The following TSC1 variants were observed in gnomAD, a reference collection of about 807,000 sequenced individuals.
The protein encoded by TSC1 is hamartin.
Under a neutral mutation model 124.3 loss-of-function variants are expected in TSC1, and 20 were observed. That is an observed-to-expected ratio of 0.16 (90% CI 0.11 to 0.23). The LOEUF (loss-of-function observed/expected upper bound fraction) is 0.23. TSC1 is among the 10% of genes least tolerant of loss of function. The pLI, the probability that TSC1 is intolerant of heterozygous loss-of-function variation, is 1.00. For missense variants in TSC1, 1,124 were observed against 1,448.5 expected (o/e 0.78, Z 3.64); for synonymous variants, 493 against 539.1 (o/e 0.91, Z 1.19).
At position 132,906,221 on chromosome 9, in the gene TSC1, C is replaced by T; in HGVS notation, c.1439-82G>A. On this transcript the variant is annotated intron_variant, in intron 14 of 22. Transcript: ENST00000298552. The surrounding 1 kb of genome is among the most constrained non-coding windows in gnomAD (Gnocchi z 4.1). ...CTAGGCAGTTTGGGTGGCATGCTGC[C>T]ACATGCCAGTGTCACTCAGAGAGAG... The T allele has an allele frequency of 6.9e-7, 1 of 1,443,412 alleles. No homozygotes were observed. The highest frequency in any genetic ancestry group is 9.5e-7 in the Non-Finnish European group (1 of 1,047,840). The allele number at this position is 1,443,412 out of a possible 1,614,324, so 89.4% of individuals were successfully genotyped here.
In TSC1 at chr9:132,903,910, A is replaced by G; in HGVS notation, c.2042-93T>C. 1 of 1,470,542 alleles carries G rather than the reference A, an allele frequency of 6.8e-7. No individual in the cohort carries two copies. Among genetic ancestry groups the G allele is most frequent in the Non-Finnish European group, 9.4e-7 (1 of 1,064,094 alleles). The allele number at this position is 1,470,542 out of a possible 1,614,324, so 91.1% of individuals were successfully genotyped here. On this transcript the variant is annotated intron_variant, in intron 16 of 22. Transcript: ENST00000298552. The surrounding 1 kb of genome is among the most constrained non-coding windows in gnomAD (Gnocchi z 5.9). ...CATGTGTTGTTAGCTTAACAAACAC[A>G]ATTCTTTAAAAACAAATCACCACTC...
chr9:132,911,587 A>G lies in TSC1; in HGVS notation c.914-19T>C. The stretch of plus-strand genomic sequence containing the variant: ...GCACACCCTAAAATGGAAGAGAAGA[A>G]CACAGGGGGTTAGTGTGTGGTTTTA... On this transcript the variant is annotated intron_variant, in intron 9 of 22. Coordinates refer to ENST00000298552, the MANE Select transcript of TSC1 (RefSeq NM_000368.5). The G allele has an allele frequency of 7.8e-7, 1 of 1,277,504 alleles. No homozygotes were observed. Among genetic ancestry groups the G allele is most frequent in the Non-Finnish European group, 1.1e-6 (1 of 878,652 alleles). The allele number at this position is 1,277,504 out of a possible 1,614,324, so 79.1% of individuals were successfully genotyped here. A position where few individuals can be genotyped will look rare whatever the true frequency, so the allele number is the denominator to read the frequency against.
At position 132,903,424 on chromosome 9, in the gene TSC1, G is replaced by A. The variant is rs1845482935; in HGVS notation, c.2208+227C>T. Among the ~76,000 whole-genome samples the A allele has an allele frequency of 6.6e-6, 1 of 152,212 alleles. No homozygotes were observed. Among genetic ancestry groups the A allele is most frequent in the Non-Finnish European group, 1.5e-5 (1 of 68,038 alleles). ...TTCTGACCCTTCATCATCATGGCCA[G>A]TTACATGCAAACATACACACACAAA... On this transcript the variant is annotated intron_variant, in intron 17 of 22. Coordinates refer to ENST00000298552, the MANE Select transcript of TSC1 (RefSeq NM_000368.5). This position sits in a 1 kb window ranked among gnomAD's most constrained non-coding sequence, Gnocchi z 5.9.
intron 2 of TSC1, among the ~76,000 whole-genome samples, chr9:132,930,987 C>T (rs1397067974): frequency 6.6e-6 from 1 of 152,178 alleles, no homozygotes; most frequent in Non-Finnish European, 1.5e-5. Flanking sequence ...ACACTCGCTG[C>T]ATAGTACCTG....
At position 132,903,329 on chromosome 9, in the gene TSC1, C is replaced by G. The variant is rs1845479498; in HGVS notation, c.2208+322G>C. Reference sequence around the variant, plus strand: ...CTGGCTTCACACCCGCTGTACAATACACGCTTCAGTTTTGTGCCATGAAAT... The same window carrying G: ...CTGGCTTCACACCCGCTGTACAATAGACGCTTCAGTTTTGTGCCATGAAAT... On this transcript the variant is annotated intron_variant, in intron 17 of 22. Transcript: ENST00000298552. This position sits in a 1 kb window ranked among gnomAD's most constrained non-coding sequence, Gnocchi z 5.9. Among the ~76,000 whole-genome samples the G allele has an allele frequency of 6.6e-6, 1 of 152,252 alleles. No individual in the cohort carries two copies. The highest frequency in any genetic ancestry group is 6.5e-5 in the Admixed American group (1 of 15,288).
At chr9:132,935,984 G>A (rs1016724428) in intron 1 of TSC1, among the ~76,000 whole-genome samples, 1 of 152,150 alleles carries the variant, frequency 6.6e-6, no homozygotes, top group African/African-American at 2.4e-5. Flanking sequence ...ATTGATTACT[G>A]AACATGCCTC....
intron 8 of TSC1, among the ~76,000 whole-genome samples, chr9:132,916,535 G>T (rs1846279829): frequency 6.6e-6 from 1 of 152,072 alleles, no homozygotes. Context: ...TTTCAAAATT[G>T]ATTTCAACAT....
chr9:132,940,781 A>G (rs1847695492), intron 1 of TSC1: 1 of 152,222 alleles, frequency 6.6e-6, no homozygotes, highest in African/African-American at 2.4e-5. Flanking sequence ...CTACTTCACA[A>G]AAATGGATTG....
intron 12 of TSC1, chr9:132,910,301 CAA>C (rs10712193): frequency 0.12 from 51,255 of 443,640 alleles, no homozygotes; most frequent in South Asian, 0.14. Context: ...ACCCTGTCTC[CAA>C]AAAAAAAAAA....
Position 132,902,537 on chromosome 9 carries a change from G to A in TSC1, c.2391+68C>T. 1.3e-6 allele frequency: 2 copies of A among 1,588,070 alleles called. No individual in the cohort carries two copies. Among genetic ancestry groups the A allele is most frequent in the Admixed American group, 1.7e-5 (1 of 59,982 alleles). On this transcript the variant is annotated intron_variant, in intron 18 of 22. Coordinates refer to ENST00000298552, the MANE Select transcript of TSC1 (RefSeq NM_000368.5). The surrounding 1 kb of genome is among the most constrained non-coding windows in gnomAD (Gnocchi z 5.2). ...CAAGTCAAGGACACCCAGGGAAACT[G>A]ACTGCCTCCCTCCCCACTGCTCTCC...
At position 132,905,962 on chromosome 9, in the gene TSC1, G is replaced by A. The variant is rs1845642639; in HGVS notation, c.1616C>T (p.Ser539Phe). 1 of 1,614,118 alleles carries A rather than the reference G, an allele frequency of 6.2e-7. No individual in the cohort carries two copies. Among genetic ancestry groups the A allele is most frequent in the African/African-American group, 1.3e-5 (1 of 75,046 alleles). Residue 539 changes from serine to phenylalanine, a missense_variant, in exon 15 of 23, where the codon TCC becomes TTC. Physicochemically the swap from Ser to Phe is radical, Grantham distance 155. Coordinates refer to ENST00000298552, the MANE Select transcript of TSC1 (RefSeq NM_000368.5). Reference protein sequence around the residue: ...ASVNPEPLHSSLDKLGPDTPK... With the variant: ...ASVNPEPLHSFLDKLGPDTPK... ...TGTGTCAGGCCCAAGCTTGTCCAGG[G>A]AGGAGTGTAAAGGCTCAGGGTTCAC... is the stretch of plus-strand genomic sequence containing the variant.
chr9:132,903,909 C>G lies in TSC1; in HGVS notation c.2042-92G>C. The G allele has an allele frequency of 6.7e-7, 1 of 1,484,282 alleles. No homozygotes were observed. The highest frequency in any genetic ancestry group is 1.2e-5 in the South Asian group (1 of 86,310). 91.9% of individuals were successfully genotyped at this position (1,484,282 alleles called of 1,614,324 possible). A position where few individuals can be genotyped will look rare whatever the true frequency, so the allele number is the denominator to read the frequency against. ...CCATGTGTTGTTAGCTTAACAAACA[C>G]AATTCTTTAAAAACAAATCACCACT... On this transcript the variant is annotated intron_variant, in intron 16 of 22. Coordinates refer to ENST00000298552, the MANE Select transcript of TSC1 (RefSeq NM_000368.5). The surrounding 1 kb of genome is among the most constrained non-coding windows in gnomAD (Gnocchi z 5.9).
chr9:132,912,518 GA>G, intron 8 of TSC1, 61 bp from the exon 9 acceptor site: 1 of 1,598,978 alleles, frequency 6.3e-7, no homozygotes, highest in East Asian at 2.2e-5. Flanking sequence ...AAATACTTCA[GA>G]GTGTCAACTC....
intron 1 of TSC1, among the ~76,000 whole-genome samples, chr9:132,938,669 G>A (rs1422129900): frequency 6.6e-6 from 1 of 152,128 alleles, no homozygotes; most frequent in Non-Finnish European, 1.5e-5. Context: ...TCATTAGCAG[G>A]ACCCGTACGC....
chr9:132,932,214 G>A (rs532571261), intron 2 of TSC1, among the ~76,000 whole-genome samples: 1 of 152,282 alleles, frequency 6.6e-6, no homozygotes, highest in Non-Finnish European at 1.5e-5. Flanking sequence ...GTCATATTCA[G>A]AGGGCATGAC....
At chr9:132,941,784 C>T (rs1036152463) in intron 1 of TSC1, 3 of 152,170 alleles carry the variant, frequency 2.0e-5, no homozygotes, top group African/African-American at 7.2e-5. Context: ...TTTTATAAAA[C>T]CATTAACAGG....
Position 132,902,693 on chromosome 9 carries a change from C to T in TSC1, c.2303G>A (p.Arg768His), listed in dbSNP as rs1033725987. The change falls in exon 18 of 23, where the codon CGT (arginine) becomes CAT (histidine). Residue 768 changes from arginine (R) to histidine (H), a missense_variant. Physicochemically the swap from Arg to His is conservative, Grantham distance 29. Transcript: ENST00000298552. This position sits in a 1 kb window ranked among gnomAD's most constrained non-coding sequence, Gnocchi z 5.2. ...QARYNQLQEQ[R>H]DTMVTKLHSQ... ...GTGGAGCTTGGTTACCATAGTGTCA[C>T]GCTGCTCCTGGAGCTGATTGTATCT... 3.3e-5 allele frequency: 53 copies of T among 1,614,068 alleles called. No individual in the cohort carries two copies. Among genetic ancestry groups the T allele is most frequent in the Non-Finnish European group, 4.2e-5 (50 of 1,180,054 alleles).
intron 2 of TSC1, among the ~76,000 whole-genome samples, chr9:132,934,178 T>C (rs965739256): frequency 1.3e-5 from 2 of 152,054 alleles, no homozygotes; most frequent in Admixed American, 6.5e-5. Context: ...GCTGTCCATG[T>C]ACAAAGACAG....
intron 18 of TSC1, chr9:132,901,988 T>G (rs1845402078): frequency 5.5e-6 from 2 of 364,568 alleles, no homozygotes; most frequent in East Asian, 1.0e-4. Flanking sequence ...TGCAGAAAGA[T>G]TCTGAATTTT....
Sources: gnomAD v4.1 joint callset for allele counts (sites outside exome capture counted in the v4.1 genomes callset) on GRCh38, gnomAD v4.1.1 for gene constraint, Gnocchi (gnomAD v3.1) non-coding constraint, MANE v1.5 for transcripts, NCBI Gene and HGNC (gene_info 2026-07-23, HGNC 2026-07-21) for gene names.